The following DAB1 variants were observed in gnomAD, a reference collection of about 807,000 sequenced individuals.
DAB1 encodes the protein disabled homolog 1.
A neutral mutation model predicts 64.6 loss-of-function variants in DAB1; 15 were observed. The ratio of observed to expected loss-of-function variants is 0.23; its 90% CI spans 0.16 to 0.36. The LOEUF (loss-of-function observed/expected upper bound fraction) is 0.36. Among genes scored for constraint, DAB1 ranks in the 10% least tolerant of loss-of-function variants. The probability of loss-of-function intolerance (pLI) is 1.00; values close to 1 mark genes in which losing one functional copy is unlikely to be tolerated. For synonymous variants in DAB1, 235 were observed against 251.9 expected (o/e 0.93, Z 0.64); for missense variants, 596 against 706.7 (o/e 0.84, Z 1.78).
At chr1:57,069,532 G>C in intron 7 of DAB1, 107 bp from the exon 8 acceptor site, 1 of 877,984 alleles carries the variant, frequency 1.1e-6, no homozygotes, top group Admixed American at 2.0e-5. Flanking sequence ...TAACGAAGCA[G>C]GCACAAGAGA....
chr1:57,793,399 T>G (rs1650695906), intron 6 of DAB1, among the ~76,000 whole-genome samples: 1 of 152,212 alleles, frequency 6.6e-6, no homozygotes, highest in Non-Finnish European at 1.5e-5. Flanking sequence ...ATAGGAATGT[T>G]GATCCTGATA....
intron 4 of DAB1, among the ~76,000 whole-genome samples, chr1:57,098,776 A>T (rs896032742): frequency 1.3e-5 from 2 of 152,222 alleles, no homozygotes; most frequent in Non-Finnish European, 2.9e-5. Context: ...AATTGGGGCA[A>T]TTCTTCAACT....
chr1:57,950,212 G>C (rs369533327), intron 5 of DAB1, among the ~76,000 whole-genome samples: 1 of 152,086 alleles, frequency 6.6e-6, no homozygotes, highest in East Asian at 1.9e-4. Flanking sequence ...TAATACCTAA[G>C]TTTCTTCAGC....
At chr1:57,563,473 AG>A (rs1645077379) in intron 7 of DAB1, among the ~76,000 whole-genome samples, 1 of 152,104 alleles carries the variant, frequency 6.6e-6, no homozygotes, top group Non-Finnish European at 1.5e-5. Flanking sequence ...ACCAAGCATG[AG>A]CCGAAGCAGG....
chr1:57,491,451 G>T lies in DAB1; in HGVS notation n.625+158141C>A, dbSNP rs1188344384. Among the ~76,000 whole-genome samples the T allele has an allele frequency of 2.6e-5, 4 of 151,820 alleles. No individual in the cohort carries two copies. In the East Asian group the frequency reaches 7.7e-4, roughly 29 times the overall value. On this transcript the variant is annotated intron_variant and non_coding_transcript_variant, in intron 7 of 20. Transcript: ENST00000485760. ...TCAAAAAAATAAAAATTAAAAATTA[G>T]ATTAAATTAAAAAAAGGATAACAAT...
chr1:58,493,698 T>C (rs1180776184), intron 3 of DAB1, among the ~76,000 whole-genome samples: 1 of 151,488 alleles, frequency 6.6e-6, no homozygotes, highest in African/African-American at 2.4e-5. Flanking sequence ...TAGCTAGGAA[T>C]CCAACTTACA....
chr1:58,282,611 A>AAC (rs1212176798), intron 4 of DAB1, among the ~76,000 whole-genome samples: 1 of 151,768 alleles, frequency 6.6e-6, no homozygotes, highest in East Asian at 1.9e-4. Flanking sequence ...GTTCTAAAAA[A>AAC]AAAAAGGAGT....
chr1:58,246,036 T>A (rs916435561), intron 4 of DAB1, among the ~76,000 whole-genome samples: 1 of 152,122 alleles, frequency 6.6e-6, no homozygotes, highest in Non-Finnish European at 1.5e-5. Flanking sequence ...CAGAAGGTAT[T>A]TAGGTGGGGT....
chr1:58,426,307 G>A (rs1271786366), intron 3 of DAB1, among the ~76,000 whole-genome samples: 1 of 152,116 alleles, frequency 6.6e-6, no homozygotes, highest in Non-Finnish European at 1.5e-5. Context: ...CCTCCACCCT[G>A]GATTTAGACA....
Position 57,293,035 on chromosome 1 carries a change from A to T in DAB1, c.-136-1869T>A, listed in dbSNP as rs555677464. 3.4e-4 allele frequency among the ~76,000 whole-genome samples: 52 copies of T among 152,268 alleles called. 1 individual carries two copies. In the South Asian group the frequency reaches 9.7e-3, roughly 29 times the overall value. Reference sequence around the variant, plus strand: ...TTCTCAATAATTGTATGTAGAATGAATGAATGAATGAATGAGTGGTTGTCT... The same window carrying T: ...TTCTCAATAATTGTATGTAGAATGATTGAATGAATGAATGAGTGGTTGTCT... On this transcript the variant is annotated intron_variant, in intron 1 of 14. Coordinates refer to ENST00000371236, the MANE Select transcript of DAB1 (RefSeq NM_001365792.1).
intron 2 of DAB1, among the ~76,000 whole-genome samples, chr1:57,183,529 G>A (rs1366243026): frequency 6.6e-6 from 1 of 152,106 alleles, no homozygotes; most frequent in Non-Finnish European, 1.5e-5. Flanking sequence ...GGGTAGGAGG[G>A]TTGATGAGTC....
At chr1:57,381,584 C>A (rs1038506467) in intron 1 of DAB1, among the ~76,000 whole-genome samples, 1 of 152,072 alleles carries the variant, frequency 6.6e-6, no homozygotes. Context: ...CGGGAAGCAG[C>A]CCCGTCACAT....
intron 3 of DAB1, among the ~76,000 whole-genome samples, chr1:58,446,635 C>A (rs908755191): frequency 2.6e-5 from 4 of 152,126 alleles, no homozygotes. Context: ...TTGTGCTCTG[C>A]CAAATATCTT....
At chr1:57,748,440 T>C (rs1285178197) in intron 6 of DAB1, among the ~76,000 whole-genome samples, 1 of 152,112 alleles carries the variant, frequency 6.6e-6, no homozygotes, top group Non-Finnish European at 1.5e-5. Flanking sequence ...TATAGAGTGT[T>C]TGTGCATGTT....
chr1:58,008,169 C>T (rs992278274), intron 5 of DAB1, among the ~76,000 whole-genome samples: 5 of 152,136 alleles, frequency 3.3e-5, no homozygotes, highest in African/African-American at 9.7e-5. Context: ...GATAAGAAAT[C>T]TGAAGTTCAG....
Position 57,521,446 on chromosome 1 carries a change from T to G in DAB1, n.625+128146A>C, listed in dbSNP as rs540189938. On this transcript the variant is annotated intron_variant and non_coding_transcript_variant, in intron 7 of 20. Coordinates refer to the DAB1 transcript ENST00000485760. ...CTGGCAGGGGGCTGAACGACAAGTT[T>G]TTTTTTTGTTTGGGAAGCTAAACCA... Among the ~76,000 whole-genome samples, 17 of 152,178 alleles carry G rather than the reference T, an allele frequency of 1.1e-4. No homozygotes were observed. In the East Asian group the frequency reaches 2.7e-3, roughly 24 times the overall value.
chr1:57,698,244 G>A (rs995809521), intron 6 of DAB1, among the ~76,000 whole-genome samples: 9 of 150,026 alleles, frequency 6.0e-5, no homozygotes, highest in African/African-American at 2.2e-4. Flanking sequence ...GCACCACCAT[G>A]CCCTCTAACT....
chr1:58,454,337 T>C (rs1645169547), intron 3 of DAB1, among the ~76,000 whole-genome samples: 1 of 152,084 alleles, frequency 6.6e-6, no homozygotes, highest in African/African-American at 2.4e-5. Context: ...AACTGCAGTT[T>C]GGGGGCAGCC....
chr1:58,021,471 A>G (rs541901334), intron 5 of DAB1, among the ~76,000 whole-genome samples: 8 of 152,360 alleles, frequency 5.3e-5, no homozygotes, highest in Middle Eastern at 3.4e-3. Flanking sequence ...AAGCCTGGAT[A>G]GAGCTCCAGA....
Sources: allele counts gnomAD v4.1 joint callset (sites outside exome capture counted in the v4.1 genomes callset), GRCh38; gene constraint gnomAD v4.1.1; transcripts MANE v1.5; gene names NCBI Gene and HGNC (gene_info 2026-07-23, HGNC 2026-07-21).